Variants in PLBD1 observed in about 807,000 individuals in gnomAD.
PLBD1 encodes the protein lysosomal leucine aminopeptidase.
PLBD1 carries 60 observed loss-of-function variants against 63.0 expected under a neutral mutation model. The ratio of observed to expected loss-of-function variants is 0.95; its 90% CI spans 0.77 to 1.18. PLBD1 has a LOEUF of 1.18. Among genes scored for constraint, PLBD1 ranks in the 50% most tolerant of loss-of-function variants. The pLI is 0.00. For missense variants in PLBD1, 598 were observed against 677.9 expected (o/e 0.88, Z 1.31); for synonymous variants, 262 against 248.0 (o/e 1.06, Z -0.53).
chr12:14,541,023 T>C (rs1945567182), intron 3 of PLBD1, 121 bp from the exon 4 acceptor site: 3 of 1,090,016 alleles, frequency 2.8e-6, no homozygotes, highest in Non-Finnish European at 3.8e-6. Context: ...AAATTCTAGA[T>C]CTTGTAACAC....
intron 6 of PLBD1, among the ~76,000 whole-genome samples, chr12:14,525,122 T>G (rs1005383592): frequency 6.6e-6 from 1 of 151,940 alleles, no homozygotes; most frequent in African/African-American, 2.4e-5. Context: ...ATTAGCCCAG[T>G]GTAGTGGTGC....
intron 6 of PLBD1, among the ~76,000 whole-genome samples, chr12:14,514,022 G>A (rs992501072): frequency 1.1e-4 from 16 of 152,144 alleles, no homozygotes; most frequent in African/African-American, 3.9e-4. Context: ...CTCATGATCT[G>A]CCCGCCTCGG....
At position 14,503,665 on chromosome 12, in the gene PLBD1, A is replaced by G. The variant is rs1407733273; in HGVS notation, c.*107T>C. 4 of 1,124,742 alleles carry G rather than the reference A, an allele frequency of 3.6e-6. No homozygotes were observed. The highest frequency in any genetic ancestry group is 5.1e-6 in the Non-Finnish European group (4 of 787,222). 69.7% of individuals were successfully genotyped at this position (1,124,742 alleles called of 1,614,324 possible). A position where few individuals can be genotyped will look rare whatever the true frequency, so the allele number is the denominator to read the frequency against. ...AACAACAAAGTCAGTGGGAAATGAAAGTGACAAATTAATATATTTTATTGC... is the reference window on the plus strand; with the variant it reads ...AACAACAAAGTCAGTGGGAAATGAAGGTGACAAATTAATATATTTTATTGC... On this transcript the variant is annotated 3_prime_UTR_variant, in exon 11 of 11. Transcript: ENST00000240617.
intron 1 of PLBD1, among the ~76,000 whole-genome samples, chr12:14,566,087 A>C (rs1945778124): frequency 6.6e-6 from 1 of 152,154 alleles, no homozygotes; most frequent in African/African-American, 2.4e-5. Flanking sequence ...CGTCCAAAAA[A>C]ACAGAAAAGG....
chr12:14,526,749 G>T (rs1945418117), intron 6 of PLBD1, among the ~76,000 whole-genome samples: 1 of 152,158 alleles, frequency 6.6e-6, no homozygotes, highest in Admixed American at 6.5e-5. Context: ...GAGGCAGGCA[G>T]ATCACCTGAG....
chr12:14,544,369 T>C (rs1288230286), intron 2 of PLBD1, among the ~76,000 whole-genome samples: 1 of 152,188 alleles, frequency 6.6e-6, no homozygotes, highest in Non-Finnish European at 1.5e-5. Flanking sequence ...AGATGGGGTT[T>C]TGCCATATTG....
At chr12:14,558,084 T>C (rs757749611) in intron 1 of PLBD1, among the ~76,000 whole-genome samples, 5 of 147,916 alleles carry the variant, frequency 3.4e-5, no homozygotes. Flanking sequence ...CTATCAAATA[T>C]GCACTAAAAG....
chr12:14,558,122 C>G (rs1011251014), intron 1 of PLBD1, among the ~76,000 whole-genome samples: 4 of 150,690 alleles, frequency 2.7e-5, no homozygotes, highest in African/African-American at 7.3e-5. Flanking sequence ...AGCATCATGG[C>G]ACCGTGCTCC....
chr12:14,549,998 C>T (rs1435037271), intron 2 of PLBD1, among the ~76,000 whole-genome samples: 1 of 152,096 alleles, frequency 6.6e-6, no homozygotes, highest in Non-Finnish European at 1.5e-5. Context: ...GCAACTTACT[C>T]ATTTCAGACT....
At chr12:14,562,629 A>G (rs1199758939) in intron 1 of PLBD1, among the ~76,000 whole-genome samples, 1 of 152,184 alleles carries the variant, frequency 6.6e-6, no homozygotes, top group Non-Finnish European at 1.5e-5. Context: ...TAATAACATT[A>G]TTAACACATT....
At chr12:14,563,411 G>A (rs555889881) in intron 1 of PLBD1, among the ~76,000 whole-genome samples, 3 of 152,166 alleles carry the variant, frequency 2.0e-5, no homozygotes, top group Admixed American at 6.5e-5. Flanking sequence ...CCAGTTACTC[G>A]GGAGGCTGAG....
At chr12:14,523,175 C>T (rs1391399531) in intron 6 of PLBD1, among the ~76,000 whole-genome samples, 3 of 151,924 alleles carry the variant, frequency 2.0e-5, no homozygotes, top group Non-Finnish European at 4.4e-5. Flanking sequence ...GATATAAAAT[C>T]AATATACAAA....
At chr12:14,560,018 G>A (rs143051156) in intron 1 of PLBD1, among the ~76,000 whole-genome samples, 39 of 152,130 alleles carry the variant, frequency 2.6e-4, no homozygotes, top group Middle Eastern at 3.4e-3. Context: ...GCGCCGCCAC[G>A]CCTGGCTAAT....
At chr12:14,508,661 T>G (rs1033947728) in intron 8 of PLBD1, among the ~76,000 whole-genome samples, 1 of 152,050 alleles carries the variant, frequency 6.6e-6, no homozygotes, top group Non-Finnish European at 1.5e-5. Context: ...TCCCAGCTAC[T>G]CGGGAGGCTG....
chr12:14,546,088 G>A (rs1278710185), intron 2 of PLBD1, among the ~76,000 whole-genome samples: 1 of 152,062 alleles, frequency 6.6e-6, no homozygotes, highest in Non-Finnish European at 1.5e-5. Flanking sequence ...TTGGGAAGCC[G>A]AGGTTGGTGG....
intron 6 of PLBD1, among the ~76,000 whole-genome samples, chr12:14,534,543 CTTTTT>C (rs1286445435): frequency 7.3e-6 from 1 of 137,828 alleles, no homozygotes; most frequent in Admixed American, 7.2e-5. Flanking sequence ...CTTTTCTTTT[CTTTTT>C]TTTTTTTTTT....
chr12:14,560,221 A>G (rs1304320700), intron 1 of PLBD1, among the ~76,000 whole-genome samples: 1 of 143,596 alleles, frequency 7.0e-6, no homozygotes, highest in Non-Finnish European at 1.5e-5. Context: ...CTGTCTTAGG[A>G]AAAAAAATGT....
intron 5 of PLBD1, 36 bp from the exon 6 acceptor site, chr12:14,535,839 C>T: frequency 6.3e-7 from 1 of 1,595,406 alleles, no homozygotes; most frequent in Non-Finnish European, 8.5e-7. Flanking sequence ...CACAGATGTA[C>T]ATAGCTAACT....
intron 4 of PLBD1, among the ~76,000 whole-genome samples, chr12:14,540,010 G>A (rs1945553673): frequency 4.9e-4 from 2 of 4,100 alleles, no homozygotes; most frequent in Non-Finnish European, 8.9e-4. Context: ...GAAAAGCTAT[G>A]CACATATATA....
Sources: gnomAD v4.1 joint callset for allele counts (sites outside exome capture counted in the v4.1 genomes callset) on GRCh38, gnomAD v4.1.1 for gene constraint, MANE v1.5 for transcripts, NCBI Gene and HGNC (gene_info 2026-07-23, HGNC 2026-07-21) for gene names.